Variants in LRMDA observed in about 807,000 individuals in gnomAD.
LRMDA encodes leucine-rich melanocyte differentiation-associated protein.
In LRMDA, 18 loss-of-function variants were observed where a neutral mutation model predicts 29.8. The observed-to-expected ratio is 0.60, with a 90% confidence interval of 0.42 to 0.90. LRMDA has a LOEUF of 0.90. LRMDA is among the 40% of genes least tolerant of loss of function. LRMDA has a pLI of 0.00. For missense variants in LRMDA, 273 were observed against 273.9 expected, an observed-to-expected ratio of 1.00 and a Z score of 0.02; for synonymous variants, 125 against 109.4, an observed-to-expected ratio of 1.14 and a Z score of -0.89.
intron 2 of LRMDA, among the ~76,000 whole-genome samples, chr10:75,855,009 A>C (rs187360677): frequency 6.6e-6 from 1 of 152,294 alleles, no homozygotes; most frequent in African/African-American, 2.4e-5. Context: ...GCTATTGTGA[A>C]TAGTGCTGCA....
intron 2 of LRMDA, among the ~76,000 whole-genome samples, chr10:75,728,369 A>G (rs1842654570): frequency 6.6e-6 from 1 of 152,070 alleles, no homozygotes; most frequent in African/African-American, 2.4e-5. Context: ...GTCATTAAAA[A>G]ATGATGTTGC....
chr10:75,930,222 G>A (rs1391620339), intron 2 of LRMDA, among the ~76,000 whole-genome samples: 1 of 152,136 alleles, frequency 6.6e-6, no homozygotes, highest in Admixed American at 6.5e-5. Flanking sequence ...ACTCTCACCA[G>A]AACCATCAAT....
rs1276852747 is a variant in LRMDA at position 75,797,725 on chromosome 10, T to C, written c.132-238283T>C. ...CGTTTTGTGGCATGTATCAGTATTC[T>C]GTTCGCTTTTATTGCTCCATAGTGT... On this transcript the variant is annotated intron_variant, in intron 2 of 6. Coordinates refer to ENST00000611255, the MANE Select transcript of LRMDA (RefSeq NM_001305581.2). Among the ~76,000 whole-genome samples, 3 of 152,354 alleles carry C rather than the reference T, an allele frequency of 2.0e-5. No homozygotes were observed. The East Asian group carries it at 5.8e-4, about 29-fold the overall frequency.
chr10:75,564,561 G>A (rs1840345825), intron 2 of LRMDA, among the ~76,000 whole-genome samples: 1 of 152,220 alleles, frequency 6.6e-6, no homozygotes, highest in African/African-American at 2.4e-5. Flanking sequence ...CCACTGTCTG[G>A]CACTCCCTAG....
intron 2 of LRMDA, among the ~76,000 whole-genome samples, chr10:75,772,580 C>T (rs577109321): frequency 4.6e-5 from 7 of 152,224 alleles, no homozygotes; most frequent in East Asian, 3.9e-4. Context: ...CCGGTCAATT[C>T]GCTAATGAAT....
At chr10:76,286,365 C>A (rs768854286) in intron 5 of LRMDA, among the ~76,000 whole-genome samples, 1 of 152,226 alleles carries the variant, frequency 6.6e-6, no homozygotes, top group Non-Finnish European at 1.5e-5. Flanking sequence ...CATTAACCAA[C>A]CCGGTGACCC....
intron 2 of LRMDA, among the ~76,000 whole-genome samples, chr10:75,980,956 C>G (rs968677776): frequency 6.6e-6 from 1 of 152,152 alleles, no homozygotes; most frequent in African/African-American, 2.4e-5. Flanking sequence ...AGAACTCTCC[C>G]CTAGCATGTT....
intron 6 of LRMDA, among the ~76,000 whole-genome samples, chr10:76,366,746 CT>C (rs1356829384): frequency 2.6e-5 from 4 of 152,124 alleles, no homozygotes; most frequent in Admixed American, 6.5e-5. Flanking sequence ...CCCTTTATTT[CT>C]TTCTCTTGTC....
chr10:76,190,758 G>T (rs906731882), intron 5 of LRMDA, among the ~76,000 whole-genome samples: 3 of 152,192 alleles, frequency 2.0e-5, no homozygotes, highest in Admixed American at 1.3e-4. Context: ...ATGACAACAG[G>T]TGACCTCTAT....
intron 5 of LRMDA, among the ~76,000 whole-genome samples, chr10:76,200,799 C>T (rs113086686): frequency 0.026 from 3,875 of 150,644 alleles, 72 homozygotes; most frequent in East Asian, 0.072. Context: ...CTCACTGCAG[C>T]GCCTGCCTCC....
chr10:76,306,052 C>A (rs1482620483), intron 5 of LRMDA, among the ~76,000 whole-genome samples: 1 of 152,108 alleles, frequency 6.6e-6, no homozygotes, highest in East Asian at 1.9e-4. Context: ...ATGTAGAGTC[C>A]TTATCTAGAA....
At chr10:76,304,285 C>T (rs1840521781) in intron 5 of LRMDA, among the ~76,000 whole-genome samples, 1 of 152,186 alleles carries the variant, frequency 6.6e-6, no homozygotes, top group Non-Finnish European at 1.5e-5. Context: ...CCACTGAATG[C>T]ATCTTAGAAA....
intron 6 of LRMDA, among the ~76,000 whole-genome samples, chr10:76,362,287 G>C (rs1841322317): frequency 6.6e-6 from 1 of 152,208 alleles, no homozygotes; most frequent in African/African-American, 2.4e-5. Flanking sequence ...GTATAAACAG[G>C]TGGTGGAGAG....
intron 5 of LRMDA, among the ~76,000 whole-genome samples, chr10:76,104,832 C>T (rs1469742127): frequency 6.6e-6 from 1 of 152,014 alleles, no homozygotes; most frequent in Non-Finnish European, 1.5e-5. Context: ...CACTGGGAGG[C>T]CTTGCCCTGT....
intron 2 of LRMDA, among the ~76,000 whole-genome samples, chr10:75,445,660 A>G (rs933882463): frequency 3.9e-5 from 6 of 152,334 alleles, no homozygotes; most frequent in African/African-American, 1.4e-4. Flanking sequence ...TGATTGGGGC[A>G]GGGCAGAGTT....
intron 5 of LRMDA, among the ~76,000 whole-genome samples, chr10:76,145,921 T>C (rs1436710205): frequency 7.9e-5 from 12 of 151,260 alleles, no homozygotes; most frequent in Non-Finnish European, 1.6e-4. Context: ...AAAGAACATC[T>C]TTATTTCTGC....
At chr10:76,345,029 A>C (rs572274676) in intron 6 of LRMDA, among the ~76,000 whole-genome samples, 1 of 139,028 alleles carries the variant, frequency 7.2e-6, no homozygotes, top group Non-Finnish European at 1.5e-5. Flanking sequence ...GATTTTATTT[A>C]AAAAAAACCT....
chr10:76,404,529 C>T (rs1841882598), intron 6 of LRMDA, among the ~76,000 whole-genome samples: 1 of 152,158 alleles, frequency 6.6e-6, no homozygotes, highest in South Asian at 2.1e-4. Flanking sequence ...TTCCCTGGCT[C>T]ATTCCACTAT....
intron 2 of LRMDA, among the ~76,000 whole-genome samples, chr10:76,030,421 G>A (rs559441997): frequency 6.6e-6 from 1 of 152,152 alleles, no homozygotes; most frequent in East Asian, 1.9e-4. Context: ...ATCTATGTCT[G>A]TCTTTATCCA....
Sources: gnomAD v4.1 joint callset for allele counts (sites outside exome capture counted in the v4.1 genomes callset) on GRCh38, gnomAD v4.1.1 for gene constraint, MANE v1.5 for transcripts, NCBI Gene and HGNC (gene_info 2026-07-23, HGNC 2026-07-21) for gene names.